KIDINS220: variants seen among roughly 807,000 people sequenced by gnomAD.
The protein encoded by KIDINS220 is kinase D interacting substrate 220, also known as kinase D-interacting substrate of 220 kDa.
Under a neutral mutation model 157.6 loss-of-function variants are expected in KIDINS220, and 63 were observed. The observed-to-expected ratio is 0.40, with a 90% CI of 0.33 to 0.49. The LOEUF (loss-of-function observed/expected upper bound fraction) is 0.49, where lower values mean the gene tolerates loss of function less well. Ranked by LOEUF, KIDINS220 falls within the 20% of genes least tolerant of loss-of-function variation. The pLI is 0.66. For missense variants in KIDINS220, 1,772 were observed against 2,171.2 expected, an observed-to-expected ratio of 0.82 and a Z score of 3.65; for synonymous variants, 732 against 783.6, an observed-to-expected ratio of 0.93 and a Z score of 1.10.
At chr2:8,733,824 T>C (rs1247558956) in intron 28 of KIDINS220, 144 bp from the exon 29 acceptor site, 16 of 590,242 alleles carry the variant, frequency 2.7e-5, no homozygotes, top group Non-Finnish European at 4.5e-5. Context: ...CTAGTGAATT[T>C]GTTTTATACA....
At chr2:8,827,268 C>T (rs1572831276) in intron 1 of KIDINS220, 139 bp from the exon 2 acceptor site, 1 of 479,664 alleles carries the variant, frequency 2.1e-6, no homozygotes, top group Non-Finnish European at 3.8e-6. Flanking sequence ...CCCACGGCTT[C>T]CATAGCTCAG....
At position 8,779,082 on chromosome 2, in the gene KIDINS220, T is replaced by C. The variant is rs1671352434; in HGVS notation, c.2428A>G (p.Ile810Val). 6.2e-7 allele frequency: 1 copy of C among 1,614,048 alleles called. No individual in the cohort carries two copies. Among genetic ancestry groups the C allele is most frequent in the Non-Finnish European group, 8.5e-7 (1 of 1,180,006 alleles). The change falls in exon 19 of 30, where the codon ATT (isoleucine) becomes GTT (valine). Residue 810 changes from isoleucine to valine, a missense_variant. By Grantham distance (29) the Ile-to-Val change is conservative (BLOSUM62 3). This residue lies in a region of KIDINS220 where 725 missense variants were observed against 1,017.1 expected (regional missense o/e 0.71). Coordinates refer to ENST00000256707, the MANE Select transcript of KIDINS220 (RefSeq NM_020738.4). ...FIAIFASDPH[I>V]IIKAINQNLN... Reference sequence around the variant, plus strand: ...TTCTGGTTAATTGCCTTTATGATAATATGTGGATCACTTGCAAAAATGGCA... The same window carrying C: ...TTCTGGTTAATTGCCTTTATGATAACATGTGGATCACTTGCAAAAATGGCA...
intron 22 of KIDINS220, among the ~76,000 whole-genome samples, chr2:8,763,363 C>T (rs966582602): frequency 2.6e-5 from 4 of 152,190 alleles, no homozygotes; most frequent in Non-Finnish European, 5.9e-5. Flanking sequence ...AGCTGAGCAT[C>T]CCTAATCCAA....
rs1489436874 is a variant in KIDINS220 at position 8,730,617 on chromosome 2, C to T, written c.*103G>A. On this transcript the variant is annotated 3_prime_UTR_variant, in exon 30 of 30. Coordinates refer to ENST00000256707, the MANE Select transcript of KIDINS220 (RefSeq NM_020738.4). ...CTCGGCCTCATCATCGGTTAGTTAT[C>T]TGTCAGCAAAATGTAGAAAGGTGAT... is the stretch of plus-strand genomic sequence containing the variant. 2 of 1,469,438 alleles carry T rather than the reference C, an allele frequency of 1.4e-6. No homozygotes were observed. The highest frequency in any genetic ancestry group is 1.8e-6 in the Non-Finnish European group (2 of 1,117,408). The allele number at this position is 1,469,438 out of a possible 1,614,324, so 91.0% of individuals were successfully genotyped here.
intron 24 of KIDINS220, chr2:8,749,464 T>A (rs1038347705): frequency 4.4e-6 from 2 of 452,946 alleles, no homozygotes; most frequent in Non-Finnish European, 8.9e-6. Context: ...AGTGAGAATA[T>A]AGCTTGGGCC....
chr2:8,745,594 C>T (rs2148023604), intron 26 of KIDINS220, among the ~76,000 whole-genome samples: 1 of 152,158 alleles, frequency 6.6e-6, no homozygotes, highest in South Asian at 2.1e-4. Context: ...GTCAGGAGTT[C>T]GAGACCAGCC....
At chr2:8,829,734 T>G (rs1348038420) in intron 1 of KIDINS220, among the ~76,000 whole-genome samples, 1 of 152,122 alleles carries the variant, frequency 6.6e-6, no homozygotes, top group Admixed American at 6.5e-5. Flanking sequence ...TGGGCATTAG[T>G]GTAATTTTTA....
At chr2:8,836,697 C>T (rs938620727) in intron 1 of KIDINS220, among the ~76,000 whole-genome samples, 2 of 150,830 alleles carry the variant, frequency 1.3e-5, no homozygotes, top group Non-Finnish European at 3.0e-5. Context: ...GATGTCTGGT[C>T]CTCAGTGTTG....
chr2:8,792,618 G>A lies in KIDINS220; in HGVS notation c.1276+1192C>T, dbSNP rs190789832. On this transcript the variant is annotated intron_variant, in intron 12 of 29. Transcript: ENST00000256707. Reference sequence around the variant, plus strand: ...TATTTATCTGATTAGCAAAGAGTAAGAGGCTGGAAATACCCAGTGCTAGCA... The same window carrying A: ...TATTTATCTGATTAGCAAAGAGTAAAAGGCTGGAAATACCCAGTGCTAGCA... Among the ~76,000 whole-genome samples the A allele has an allele frequency of 3.5e-4, 53 of 152,286 alleles. 1 individual carries two copies. In the East Asian group the frequency reaches 6.9e-3, roughly 20 times the overall value.
intron 22 of KIDINS220, chr2:8,757,747 T>C: frequency 6.2e-7 from 1 of 1,612,214 alleles, no homozygotes; most frequent in South Asian, 1.1e-5. Flanking sequence ...GACTTGGAAA[T>C]GCCAATTCGG....
chr2:8,790,611 T>C (rs947339589), intron 13 of KIDINS220, among the ~76,000 whole-genome samples: 5 of 152,118 alleles, frequency 3.3e-5, no homozygotes, highest in African/African-American at 1.2e-4. Flanking sequence ...CTGAAACCTA[T>C]CCTTGAAGAA....
intron 26 of KIDINS220, among the ~76,000 whole-genome samples, chr2:8,741,450 G>A (rs1665611650): frequency 6.6e-6 from 1 of 152,024 alleles, no homozygotes; most frequent in Admixed American, 6.6e-5. Context: ...GTGCGGTGGT[G>A]CACGCCTGGG....
At chr2:8,787,715 C>T (rs1672618717) in intron 15 of KIDINS220, among the ~76,000 whole-genome samples, 1 of 151,224 alleles carries the variant, frequency 6.6e-6, no homozygotes, top group Non-Finnish European at 1.5e-5. Flanking sequence ...ATTTCTTTTG[C>T]TTTTAACTTT....
Position 8,779,007 on chromosome 2 carries a change from G to T in KIDINS220, c.2503C>A (p.Arg835Ser). ...DSNINGHDYM[R>S]NIVHLPVFLN... Reference sequence around the variant, plus strand: ...AACACAGGCAAGTGGACTATGTTGCGCATGTAGTCATGGCCATTTATATTT... The same window carrying T: ...AACACAGGCAAGTGGACTATGTTGCTCATGTAGTCATGGCCATTTATATTT... Residue 835 changes from arginine to serine, a missense_variant, in exon 19 of 30, where the codon CGC (arginine) becomes AGC (serine). Physicochemically the swap from Arg to Ser is moderately radical, Grantham distance 110. Transcript: ENST00000256707. The T allele has an allele frequency of 6.2e-7, 1 of 1,614,074 alleles. No homozygotes were observed.
At chr2:8,821,919 G>C (rs1470208844) in intron 2 of KIDINS220, among the ~76,000 whole-genome samples, 1 of 152,110 alleles carries the variant, frequency 6.6e-6, no homozygotes, top group Non-Finnish European at 1.5e-5. Context: ...TTTTCTACTT[G>C]AAAATGTATC....
In KIDINS220 at chr2:8,731,227, C is replaced by T. The variant is rs769220467; in HGVS notation, c.4809G>A (p.Val1603=). 2.9e-5 allele frequency: 47 copies of T among 1,614,048 alleles called. No homozygotes were observed. Among genetic ancestry groups the T allele is most frequent in the Admixed American group, 6.7e-5 (4 of 60,004 alleles). Residue 1603 remains valine (V), a synonymous_variant, in exon 30 of 30, where the codon GTG becomes GTA. Coordinates refer to ENST00000256707, the MANE Select transcript of KIDINS220 (RefSeq NM_020738.4). The surrounding 1 kb of genome is among the most constrained non-coding windows in gnomAD (Gnocchi z 5.2). The part of the protein sequence containing the change: ...SSPNHSLHNE[V]ADDSQLEKAN... ...CCTTTTCAAGCTGGGAGTCATCCGC[C>T]ACTTCATTGTGCAGAGAGTGATTGG... is the stretch of plus-strand genomic sequence containing the variant.
rs189980193 is a variant in KIDINS220 at position 8,759,692 on chromosome 2, G to A, written c.3012-8048C>T. On this transcript the variant is annotated intron_variant, in intron 22 of 29. Transcript: ENST00000256707. ...AGGCACTGTCTTCATTCATGTCTACGACGTCGAATGTTCTGAGGAAGGTAC... is the reference window on the plus strand; with the variant it reads ...AGGCACTGTCTTCATTCATGTCTACAACGTCGAATGTTCTGAGGAAGGTAC... 3.0e-4 allele frequency among the ~76,000 whole-genome samples: 45 copies of A among 151,684 alleles called. No individual in the cohort carries two copies. The Middle Eastern group carries it at 0.014, about 46-fold the overall frequency.
chr2:8,737,072 GA>G, intron 26 of KIDINS220, 73 bp from the exon 27 acceptor site: 1 of 1,417,830 alleles, frequency 7.1e-7, no homozygotes, highest in Non-Finnish European at 9.7e-7. Flanking sequence ...ATGTGACAGA[GA>G]AAAACTCATT....
At chr2:8,774,184 T>C (rs1221180403) in intron 21 of KIDINS220, among the ~76,000 whole-genome samples, 1 of 151,004 alleles carries the variant, frequency 6.6e-6, no homozygotes, top group Non-Finnish European at 1.5e-5. Flanking sequence ...TAATCCCAGC[T>C]ACTCGGGAGG....
Sources: gnomAD v4.1 joint callset for allele counts (sites outside exome capture counted in the v4.1 genomes callset) on GRCh38, gnomAD v4.1.1 for gene constraint, gnomAD v4.1.1 regional missense constraint, Gnocchi (gnomAD v3.1) non-coding constraint, MANE v1.5 for transcripts, NCBI Gene and HGNC (gene_info 2026-07-23, HGNC 2026-07-21) for gene names.